Variants in NTM observed in about 807,000 individuals in gnomAD.
NTM encodes IgLON family member 2.
NTM carries 13 observed loss-of-function variants against 42.1 expected under a neutral mutation model. The ratio of observed to expected loss-of-function variants is 0.31; its 90% CI spans 0.20 to 0.49. NTM has a LOEUF of 0.49. Among genes scored for constraint, NTM ranks in the 20% least tolerant of loss-of-function variants. The pLI is 0.99. For synonymous variants in NTM, 187 were observed against 179.2 expected (o/e 1.04, Z -0.35); for missense variants, 373 against 452.8 (o/e 0.82, Z 1.60).
chr11:132,217,354 C>G (rs1373651414), intron 4 of NTM, among the ~76,000 whole-genome samples: 2 of 69,202 alleles, frequency 2.9e-5, no homozygotes, highest in African/African-American at 4.4e-5. Context: ...CTCTCTCTCT[C>G]TTTCTGTGTG....
Position 132,191,483 on chromosome 11 carries a change from T to C in NTM, c.401-20539T>C, listed in dbSNP as rs181759075. 1.4e-3 allele frequency among the ~76,000 whole-genome samples: 210 copies of C among 152,282 alleles called. 1 individual carries two copies. The highest frequency in any genetic ancestry group is 4.7e-3 in the African/African-American group (195 of 41,562). On this transcript the variant is annotated intron_variant, in intron 3 of 8. Transcript: ENST00000683400. ...TGACTATACCCAGCTTGCATCGCAG[T>C]CAAGCCCTCAAGGGCTGTAAAGAAC...
intron 4 of NTM, among the ~76,000 whole-genome samples, chr11:132,226,978 A>T (rs929220064): frequency 6.6e-6 from 1 of 152,214 alleles, no homozygotes; most frequent in Non-Finnish European, 1.5e-5. Flanking sequence ...GGTCCTTTAG[A>T]TATACAAATG....
At position 131,760,548 on chromosome 11, in the gene NTM, A is replaced by G. The variant is rs529514550; in HGVS notation, c.83-151016A>G. Among the ~76,000 whole-genome samples the G allele has an allele frequency of 1.8e-3, 278 of 152,204 alleles. 1 individual carries two copies. Among genetic ancestry groups the G allele is most frequent in the African/African-American group, 6.2e-3 (258 of 41,516 alleles). On this transcript the variant is annotated intron_variant, in intron 1 of 8. Coordinates refer to ENST00000683400, the MANE Select transcript of NTM (RefSeq NM_001352005.2). ...TCCTTAAAACATCTGTTCCGTTCTGATTCCCCCGCTCAGTACAAAGACGTT... is the reference window on the plus strand; with the variant it reads ...TCCTTAAAACATCTGTTCCGTTCTGGTTCCCCCGCTCAGTACAAAGACGTT...
chr11:132,182,672 G>T (rs979840015), intron 3 of NTM, among the ~76,000 whole-genome samples: 4 of 152,206 alleles, frequency 2.6e-5, no homozygotes, highest in African/African-American at 9.6e-5. Context: ...CTCTCTTGAG[G>T]ATGCAGTCTG....
chr11:132,098,598 C>A (rs1166124843), intron 2 of NTM, among the ~76,000 whole-genome samples: 1 of 152,220 alleles, frequency 6.6e-6, no homozygotes, highest in African/African-American at 2.4e-5. Context: ...CTTAGCTTTG[C>A]CTTTTCAGTC....
chr11:131,814,254 GTGT>G (rs1220293986), intron 1 of NTM, among the ~76,000 whole-genome samples: 3 of 152,144 alleles, frequency 2.0e-5, no homozygotes, highest in Non-Finnish European at 2.9e-5. Flanking sequence ...ATGTTCCCTG[GTGT>G]TTCCCTTTCT....
chr11:131,873,599 C>CAT (rs567322783), intron 1 of NTM, among the ~76,000 whole-genome samples: 4,088 of 100,608 alleles, frequency 0.041, 359 homozygotes, highest in East Asian at 0.16. Flanking sequence ...TATATATATA[C>CAT]ATATATATAT....
At chr11:132,176,369 A>AAAAAG (rs1209081685) in intron 3 of NTM, among the ~76,000 whole-genome samples, 3 of 23,458 alleles carry the variant, frequency 1.3e-4, no homozygotes, top group Admixed American at 4.9e-4. Context: ...AAAAAAAAAG[A>AAAAAG]AAAAAAAAAC....
chr11:132,200,620 G>A (rs982502702), intron 3 of NTM, among the ~76,000 whole-genome samples: 1 of 152,198 alleles, frequency 6.6e-6, no homozygotes, highest in Non-Finnish European at 1.5e-5. Flanking sequence ...TTAAAGTGCC[G>A]ATGACGCCAT....
intron 4 of NTM, among the ~76,000 whole-genome samples, chr11:132,252,098 C>G (rs2092005220): frequency 6.6e-6 from 1 of 152,138 alleles, no homozygotes; most frequent in Admixed American, 6.5e-5. Context: ...AGCCTCCCTC[C>G]TACCTCTCCT....
chr11:132,054,706 A>C (rs1018554697), intron 2 of NTM, among the ~76,000 whole-genome samples: 1 of 152,320 alleles, frequency 6.6e-6, no homozygotes, highest in South Asian at 2.1e-4. Flanking sequence ...GCAGCAGGGG[A>C]TATACTAACT....
intron 1 of NTM, among the ~76,000 whole-genome samples, chr11:131,849,913 T>A (rs1357018110): frequency 6.6e-6 from 1 of 151,414 alleles, no homozygotes; most frequent in Non-Finnish European, 1.5e-5. Context: ...ATGGCACATG[T>A]ATACATATGT....
intron 4 of NTM, among the ~76,000 whole-genome samples, chr11:132,255,427 C>T (rs2092393806): frequency 6.6e-6 from 1 of 152,180 alleles, no homozygotes; most frequent in South Asian, 2.1e-4. Context: ...CATCTGTACC[C>T]TCAGAAAGGT....
intron 1 of NTM, among the ~76,000 whole-genome samples, chr11:131,640,062 C>T (rs541540591): frequency 5.3e-5 from 8 of 152,300 alleles, no homozygotes; most frequent in African/African-American, 1.4e-4. Context: ...GACATGGGGG[C>T]GTCCATCCCG....
At chr11:131,504,392 A>G (rs1411883039) in intron 1 of NTM, among the ~76,000 whole-genome samples, 2 of 152,160 alleles carry the variant, frequency 1.3e-5, no homozygotes, top group Non-Finnish European at 2.9e-5. Flanking sequence ...CATAAATCAG[A>G]TAGGACCGCA....
intron 4 of NTM, among the ~76,000 whole-genome samples, chr11:132,243,395 G>T (rs1027071556): frequency 1.3e-5 from 2 of 152,174 alleles, no homozygotes; most frequent in African/African-American, 2.4e-5. Flanking sequence ...ATTATTGGGG[G>T]TACGTCGAGG....
intron 2 of NTM, among the ~76,000 whole-genome samples, chr11:132,072,758 G>A (rs758651968): frequency 6.6e-6 from 1 of 152,040 alleles, no homozygotes; most frequent in African/African-American, 2.4e-5. Flanking sequence ...CCACCTCCCC[G>A]GGAGAGAGGC....
chr11:131,455,726 C>G (rs1260612038), intron 1 of NTM, among the ~76,000 whole-genome samples: 1 of 152,148 alleles, frequency 6.6e-6, no homozygotes, highest in Non-Finnish European at 1.5e-5. Context: ...CAAAGCAGCT[C>G]AAGGCTGGTG....
At chr11:131,771,133 A>AT (rs2086018229) in intron 1 of NTM, 1 of 152,204 alleles carries the variant, frequency 6.6e-6, no homozygotes, top group South Asian at 2.1e-4. Flanking sequence ...AAGTTCGGCC[A>AT]TAAAAAAAAT....
Sources: gnomAD v4.1 joint callset for allele counts (sites outside exome capture counted in the v4.1 genomes callset) on GRCh38, gnomAD v4.1.1 for gene constraint, MANE v1.5 for transcripts, NCBI Gene and HGNC (gene_info 2026-07-23, HGNC 2026-07-21) for gene names.